QRICH1: variants seen among roughly 807,000 people sequenced by gnomAD.
The protein encoded by QRICH1 is transcriptional regulator QRICH1.
A neutral mutation model predicts 87.1 loss-of-function variants in QRICH1; 16 were observed. The observed-to-expected ratio is 0.18, with a 90% CI of 0.12 to 0.28. The LOEUF is 0.28. Ranked by LOEUF, QRICH1 falls within the 10% of genes least tolerant of loss-of-function variation. The probability of loss-of-function intolerance (pLI) is 1.00; values close to 1 mark genes in which losing one functional copy is unlikely to be tolerated. For synonymous variants in QRICH1, 367 were observed against 368.4 expected (o/e 1.00, Z 0.05); for missense variants, 647 against 951.7 (o/e 0.68, Z 4.21).
chr3:49,089,650 T>C (rs954417857), intron 1 of QRICH1, among the ~76,000 whole-genome samples: 1 of 152,198 alleles, frequency 6.6e-6, no homozygotes, highest in Admixed American at 6.6e-5. Context: ...AACAGAATAC[T>C]ACATAAAAAA....
At chr3:49,088,891 T>A (rs2042220700) in intron 1 of QRICH1, among the ~76,000 whole-genome samples, 2 of 151,964 alleles carry the variant, frequency 1.3e-5, no homozygotes, top group African/African-American at 4.8e-5. Context: ...CCCAAACTGC[T>A]GGGATTACAG....
chr3:49,086,945 C>T (rs1173431965), intron 1 of QRICH1: 2 of 152,174 alleles, frequency 1.3e-5, no homozygotes, highest in East Asian at 3.8e-4. Context: ...CTCTTCATAG[C>T]TTAGTCCAGT....
At chr3:49,045,104 C>T (rs187914424) in intron 5 of QRICH1, among the ~76,000 whole-genome samples, 36 of 152,270 alleles carry the variant, frequency 2.4e-4, no homozygotes, top group African/African-American at 8.4e-4. Context: ...CTCCCTTGAA[C>T]TGCCAGTCTG....
chr3:49,081,435 A>T (rs1298205016), intron 1 of QRICH1, among the ~76,000 whole-genome samples: 8 of 151,558 alleles, frequency 5.3e-5, no homozygotes, highest in East Asian at 1.9e-4. Flanking sequence ...AAAAAAAAAA[A>T]TTTCAGAGTA....
chr3:49,058,146 CAA>C (rs1281525295), intron 2 of QRICH1: 7 of 486,722 alleles, frequency 1.4e-5, no homozygotes, highest in South Asian at 5.6e-5. Context: ...AAGGAAATAC[CAA>C]AAAAAAAAAT....
chr3:49,044,389 C>T lies in QRICH1; in HGVS notation c.1786+1G>A, dbSNP rs2106854800. On this transcript the variant is annotated splice_donor_variant, in intron 6 of 9. Coordinates refer to ENST00000395443, the MANE Select transcript of QRICH1 (RefSeq NM_198880.3). LOFTEE classifies it high-confidence loss of function. ...TATCCAAGGACAAGGGAGACTCTTACCAAGTGGAGTGACCCGGGGCTGAAC... is the reference window on the plus strand; with the variant it reads ...TATCCAAGGACAAGGGAGACTCTTATCAAGTGGAGTGACCCGGGGCTGAAC... 6.3e-7 allele frequency: 1 copy of T among 1,599,554 alleles called. No homozygotes were observed.
chr3:49,077,287 T>C (rs1054867467), intron 1 of QRICH1, among the ~76,000 whole-genome samples: 4 of 152,130 alleles, frequency 2.6e-5, no homozygotes, highest in African/African-American at 9.7e-5. Context: ...CAATACTGGA[T>C]GAAACAGGCT....
intron 3 of QRICH1, among the ~76,000 whole-genome samples, chr3:49,052,078 G>A (rs1385257957): frequency 6.6e-6 from 1 of 152,126 alleles, no homozygotes; most frequent in Non-Finnish European, 1.5e-5. Flanking sequence ...ATTCTATGAA[G>A]AATAAATTGA....
Position 49,094,058 on chromosome 3 carries a change from C to T in QRICH1, c.-168G>A, listed in dbSNP as rs1416064491. 5 of 398,624 alleles carry T rather than the reference C, an allele frequency of 1.3e-5. No individual in the cohort carries two copies. The highest frequency in any genetic ancestry group is 1.3e-4 in the South Asian group (1 of 7,882). The allele number at this position is 398,624 out of a possible 1,614,324, so 24.7% of individuals were successfully genotyped here. On this transcript the variant is annotated 5_prime_UTR_variant, in exon 1 of 10. Coordinates refer to ENST00000395443, the MANE Select transcript of QRICH1 (RefSeq NM_198880.3). ...TCCCTGGGCGCCATCTTACATTCAA[C>T]CCTCACAGCCAATAGGAGCCGATTG...
rs1408911692 is a variant in QRICH1, at chr3:49,093,836, C to T, written c.-22+76G>A. ...GCGGTAGTGGCCCGCCCGCCCCCGCCCGCCGTTGTGTGGGGTGGGCCCCCC... is the reference window on the plus strand; with the variant it reads ...GCGGTAGTGGCCCGCCCGCCCCCGCTCGCCGTTGTGTGGGGTGGGCCCCCC... On this transcript the variant is annotated intron_variant, in intron 1 of 9. Transcript: ENST00000395443. 3 of 286,036 alleles carry T rather than the reference C, an allele frequency of 1.0e-5. 1 individual carries two copies. Among genetic ancestry groups the T allele is most frequent in the Non-Finnish European group, 1.9e-5 (3 of 155,964 alleles). 17.7% of individuals were successfully genotyped at this position (286,036 alleles called of 1,614,324 possible).
rs201910526 is a variant in QRICH1 at position 49,082,694 on chromosome 3, G to GACC, written c.-21-5659_-21-5657dup. Among the ~76,000 whole-genome samples, 566 of 151,972 alleles carry GACC rather than the reference G, an allele frequency of 3.7e-3. 7 individuals are homozygous for GACC. The highest frequency in any genetic ancestry group is 0.013 in the East Asian group (67 of 5,160). ...GTGGATCACGAGGTCGGGAGATCGA[G>GACC]ACCACCCTGGCTAACACGGTGAAAC... On this transcript the variant is annotated intron_variant, in intron 1 of 9. Coordinates refer to ENST00000395443, the MANE Select transcript of QRICH1 (RefSeq NM_198880.3).
At chr3:49,055,545 T>C (rs1248488203) in intron 3 of QRICH1, among the ~76,000 whole-genome samples, 1 of 152,202 alleles carries the variant, frequency 6.6e-6, no homozygotes, top group Middle Eastern at 3.2e-3. Flanking sequence ...TAAATTTTTG[T>C]AGAGATAGGG....
intron 2 of QRICH1, among the ~76,000 whole-genome samples, chr3:49,075,094 G>A (rs1454534778): frequency 6.6e-6 from 1 of 151,782 alleles, no homozygotes; most frequent in Non-Finnish European, 1.5e-5. Context: ...GGCCAAGGCA[G>A]GAGAATATCT....
intron 3 of QRICH1, among the ~76,000 whole-genome samples, chr3:49,048,425 G>A (rs1400277572): frequency 6.7e-6 from 1 of 149,748 alleles, no homozygotes; most frequent in Non-Finnish European, 1.5e-5. Flanking sequence ...GCCATCGGCC[G>A]AGAGCACTGA....
chr3:49,042,604 C>T (rs1216079422), intron 6 of QRICH1, among the ~76,000 whole-genome samples: 1 of 151,634 alleles, frequency 6.6e-6, no homozygotes, highest in Admixed American at 6.6e-5. Flanking sequence ...GACGGAGTCG[C>T]GCTCTGTCAC....
Position 49,057,337 on chromosome 3 carries a change from G to C in QRICH1, c.863C>G (p.Thr288Arg). 6.2e-7 allele frequency: 1 copy of C among 1,614,216 alleles called. No homozygotes were observed. Among genetic ancestry groups the C allele is most frequent in the Non-Finnish European group, 8.5e-7 (1 of 1,180,050 alleles). ...SYVSLRPDLL[T>R]VDSAHLYSAT... ...ACTGTACAGGTGGGCACTGTCTACT[G>C]TCAGTAAGTCTGGCCTCAAAGACAC... is the stretch of plus-strand genomic sequence containing the variant. Residue 288 changes from threonine (T) to arginine (R), a missense_variant, in exon 3 of 10, where the codon ACA becomes AGA. This residue lies in a region of QRICH1 where 75 missense variants were observed against 141.0 expected (regional missense o/e 0.53). Transcript: ENST00000395443. The surrounding 1 kb of genome is among the most constrained non-coding windows in gnomAD (Gnocchi z 5.4).
intron 5 of QRICH1, 80 bp from the exon 6 acceptor site, chr3:49,044,584 C>T (rs775106808): frequency 3.9e-6 from 4 of 1,032,500 alleles, no homozygotes; most frequent in Non-Finnish European, 5.8e-6. Context: ...ATTTTTCTAC[C>T]AGTACTACTA....
intron 1 of QRICH1, among the ~76,000 whole-genome samples, chr3:49,079,423 T>A (rs1342086443): frequency 6.8e-6 from 1 of 148,046 alleles, no homozygotes; most frequent in Non-Finnish European, 1.5e-5. Context: ...TAAATAATTA[T>A]AATAAAATAT....
intron 6 of QRICH1, among the ~76,000 whole-genome samples, chr3:49,038,217 C>G (rs560836550): frequency 1.3e-5 from 2 of 151,612 alleles, no homozygotes; most frequent in African/African-American, 4.8e-5. Flanking sequence ...CTCACCACCA[C>G]GCCCAGCTAA....
Sources: gnomAD v4.1 joint callset for allele counts (sites outside exome capture counted in the v4.1 genomes callset) on GRCh38, gnomAD v4.1.1 for gene constraint, gnomAD v4.1.1 regional missense constraint, Gnocchi (gnomAD v3.1) non-coding constraint, MANE v1.5 for transcripts, NCBI Gene and HGNC (gene_info 2026-07-23, HGNC 2026-07-21) for gene names.